The following LRRC4C variants were observed in gnomAD, a reference collection of about 807,000 sequenced individuals.
The protein encoded by LRRC4C is leucine rich repeat containing 4C.
LRRC4C carries 5 observed loss-of-function variants against 33.6 expected under a neutral mutation model. The ratio of observed to expected loss-of-function variants is 0.15; its 90% CI spans 0.08 to 0.31. The LOEUF is 0.31. Ranked by LOEUF, LRRC4C falls within the 10% of genes least tolerant of loss-of-function variation. LRRC4C has a pLI of 1.00. For missense variants in LRRC4C, 560 were observed against 796.7 expected, an observed-to-expected ratio of 0.70 and a Z score of 3.58; for synonymous variants, 329 against 302.0, an observed-to-expected ratio of 1.09 and a Z score of -0.93.
At chr11:40,648,495 A>G (rs192228427) in intron 2 of LRRC4C, among the ~76,000 whole-genome samples, 211 of 152,162 alleles carry the variant, frequency 1.4e-3, no homozygotes, top group Non-Finnish European at 2.4e-3. Context: ...ATACAGTTAC[A>G]CCTAGTAGTA....
chr11:41,055,989 A>G (rs1348057011), intron 1 of LRRC4C, among the ~76,000 whole-genome samples: 1 of 152,214 alleles, frequency 6.6e-6, no homozygotes, highest in Non-Finnish European at 1.5e-5. Flanking sequence ...ATTCCACTGA[A>G]GGACAGCCAC....
At chr11:40,479,738 T>C (rs1023523627) in intron 3 of LRRC4C, among the ~76,000 whole-genome samples, 1 of 152,028 alleles carries the variant, frequency 6.6e-6, no homozygotes, top group Non-Finnish European at 1.5e-5. Flanking sequence ...AACCCAACGT[T>C]TGTTTTCTTG....
At chr11:41,287,293 T>A (rs750688713) in intron 1 of LRRC4C, among the ~76,000 whole-genome samples, 2 of 152,196 alleles carry the variant, frequency 1.3e-5, no homozygotes, top group African/African-American at 2.4e-5. Flanking sequence ...TGTATCATTT[T>A]TTATGTTATT....
At chr11:41,251,735 C>A (rs554786674) in intron 1 of LRRC4C, among the ~76,000 whole-genome samples, 1 of 152,254 alleles carries the variant, frequency 6.6e-6, no homozygotes, top group African/African-American at 2.4e-5. Flanking sequence ...GTTTAATTTT[C>A]ATGGCCTTCA....
intron 2 of LRRC4C, among the ~76,000 whole-genome samples, chr11:40,675,929 A>G (rs1210407586): frequency 6.6e-6 from 1 of 152,220 alleles, no homozygotes; most frequent in Non-Finnish European, 1.5e-5. Context: ...ATAGGAAAAG[A>G]AAACTCTTAA....
intron 3 of LRRC4C, among the ~76,000 whole-genome samples, chr11:40,594,907 TAAAC>T (rs1477469963): frequency 6.6e-6 from 1 of 152,150 alleles, no homozygotes; most frequent in African/African-American, 2.4e-5. Context: ...TTAGTTTTAA[TAAAC>T]ACACACACAA....
chr11:40,153,307 C>T (rs1302675835), intron 5 of LRRC4C, among the ~76,000 whole-genome samples: 1 of 152,158 alleles, frequency 6.6e-6, no homozygotes, highest in Non-Finnish European at 1.5e-5. Flanking sequence ...CAGCCTTAGA[C>T]CTTCCCTTTG....
intron 5 of LRRC4C, among the ~76,000 whole-genome samples, chr11:40,217,322 T>A (rs1472293614): frequency 6.6e-6 from 1 of 152,050 alleles, no homozygotes; most frequent in African/African-American, 2.4e-5. Context: ...TTAATAAACT[T>A]TAGTAAGAAA....
At chr11:40,581,978 A>C (rs1958489024) in intron 3 of LRRC4C, among the ~76,000 whole-genome samples, 1 of 152,170 alleles carries the variant, frequency 6.6e-6, no homozygotes, top group African/African-American at 2.4e-5. Flanking sequence ...CTGAAATTTT[A>C]TATACAGTAA....
chr11:40,735,047 G>A (rs1947789874), intron 2 of LRRC4C, among the ~76,000 whole-genome samples: 1 of 152,072 alleles, frequency 6.6e-6, no homozygotes, highest in Admixed American at 6.6e-5. Context: ...CAATTCCAGG[G>A]TCTCTGATCT....
chr11:40,801,307 C>T (rs934400027), intron 2 of LRRC4C, among the ~76,000 whole-genome samples: 58 of 152,238 alleles, frequency 3.8e-4, no homozygotes, highest in African/African-American at 1.4e-3. Context: ...AGCTGGTGTG[C>T]CCTTCCTCAC....
chr11:40,250,495 T>G (rs1866701789), intron 4 of LRRC4C, among the ~76,000 whole-genome samples: 1 of 151,976 alleles, frequency 6.6e-6, no homozygotes, highest in Non-Finnish European at 1.5e-5. Flanking sequence ...ACCCCAGCAC[T>G]TTGGGAGGTC....
intron 1 of LRRC4C, among the ~76,000 whole-genome samples, chr11:41,446,082 A>G (rs915069828): frequency 3.9e-5 from 6 of 152,314 alleles, no homozygotes; most frequent in South Asian, 4.1e-4. Context: ...AAGTGAATGA[A>G]GGTCAAGCTC....
chr11:40,475,374 T>A (rs1193679193), intron 3 of LRRC4C, among the ~76,000 whole-genome samples: 1 of 152,026 alleles, frequency 6.6e-6, no homozygotes, highest in Non-Finnish European at 1.5e-5. Flanking sequence ...CACCACATAT[T>A]CTCACTCAAA....
At chr11:40,922,098 G>T (rs1054067930) in intron 2 of LRRC4C, among the ~76,000 whole-genome samples, 6 of 152,062 alleles carry the variant, frequency 3.9e-5, no homozygotes, top group Non-Finnish European at 7.4e-5. Context: ...ACTCAGTTTA[G>T]GGGGAAAAGG....
At chr11:41,125,423 T>C (rs1942687826) in intron 1 of LRRC4C, among the ~76,000 whole-genome samples, 1 of 152,210 alleles carries the variant, frequency 6.6e-6, no homozygotes, top group South Asian at 2.1e-4. Context: ...AAAATATGCC[T>C]ATTTTTGTCT....
chr11:40,569,455 A>C (rs910808109), intron 3 of LRRC4C, among the ~76,000 whole-genome samples: 1 of 152,188 alleles, frequency 6.6e-6, no homozygotes, highest in Admixed American at 6.6e-5. Context: ...CTCTTTCCTG[A>C]GCTCATTTAT....
At chr11:41,098,881 G>C (rs1483676468) in intron 1 of LRRC4C, among the ~76,000 whole-genome samples, 1 of 151,808 alleles carries the variant, frequency 6.6e-6, no homozygotes, top group Non-Finnish European at 1.5e-5. Flanking sequence ...AAATTCAAAA[G>C]ATCAATGAAT....
At chr11:40,795,570 GA>G (rs915775690) in intron 2 of LRRC4C, among the ~76,000 whole-genome samples, 18 of 151,980 alleles carry the variant, frequency 1.2e-4, no homozygotes, top group African/African-American at 4.3e-4. Context: ...ACAAGGATAG[GA>G]AAAAATAGAA....
Sources: gnomAD v4.1 joint callset for allele counts (sites outside exome capture counted in the v4.1 genomes callset) on GRCh38, gnomAD v4.1.1 for gene constraint, MANE v1.5 for transcripts, NCBI Gene and HGNC (gene_info 2026-07-23, HGNC 2026-07-21) for gene names.